The following APBB2 variants were observed in gnomAD, a reference collection of about 807,000 sequenced individuals.
APBB2 encodes amyloid beta precursor protein binding family B member 2, also known as Fe65-like 1.
A neutral mutation model predicts 82.5 loss-of-function variants in APBB2; 38 were observed. The observed-to-expected ratio is 0.46, with a 90% CI of 0.36 to 0.60. The LOEUF is 0.60. APBB2 is among the 20% of genes least tolerant of loss of function. APBB2 has a pLI of 0.00. For synonymous variants in APBB2, 341 were observed against 368.2 expected (o/e 0.93, Z 0.85); for missense variants, 772 against 972.3 (o/e 0.79, Z 2.74).
chr4:40,890,341 G>C, intron 12 of APBB2, 23 bp downstream of exon 12: 1 of 1,607,850 alleles, frequency 6.2e-7, no homozygotes, highest in Non-Finnish European at 8.5e-7. Context: ...AGGTGACCCA[G>C]ACTGCCCCAC....
rs985051286 is a variant in APBB2, at chr4:40,832,907, G to C, written c.1530-2330C>G. On this transcript the variant is annotated intron_variant, in intron 12 of 17. Coordinates refer to ENST00000508593, the MANE Select transcript of APBB2 (RefSeq NM_004307.2). This position sits in a 1 kb window ranked among gnomAD's most constrained non-coding sequence, Gnocchi z 4.8. ...TGGCACACATCCCTCCTTCCTGTTGGGAAAGTCGGTCCTTGCTCAGTACTG... is the reference window on the plus strand; with the variant it reads ...TGGCACACATCCCTCCTTCCTGTTGCGAAAGTCGGTCCTTGCTCAGTACTG... 2.0e-5 allele frequency among the ~76,000 whole-genome samples: 3 copies of C among 152,112 alleles called. No individual in the cohort carries two copies. Among genetic ancestry groups the C allele is most frequent in the African/African-American group, 4.8e-5 (2 of 41,426 alleles).
chr4:41,167,376 T>A (rs897158574), intron 1 of APBB2, among the ~76,000 whole-genome samples: 1 of 152,110 alleles, frequency 6.6e-6, no homozygotes, highest in East Asian at 1.9e-4. Context: ...CATGCTTTGG[T>A]CTTTGTGGTG....
At position 40,832,873 on chromosome 4, in the gene APBB2, G is replaced by A. The variant is rs549579849; in HGVS notation, c.1530-2296C>T. 1.8e-3 allele frequency among the ~76,000 whole-genome samples: 281 copies of A among 152,274 alleles called. 2 individuals are homozygous for A. Among genetic ancestry groups the A allele is most frequent in the Middle Eastern group, 3.4e-3 (1 of 294 alleles). ...ACATGTTTGCGGGCTGAGTACAAGT[G>A]TGGGCCTGTGGCACACATCCCTCCT... On this transcript the variant is annotated intron_variant, in intron 12 of 17. Transcript: ENST00000508593. The surrounding 1 kb of genome is among the most constrained non-coding windows in gnomAD (Gnocchi z 4.8).
intron 5 of APBB2, among the ~76,000 whole-genome samples, chr4:41,017,338 G>A (rs73136497): frequency 0.032 from 4,845 of 152,228 alleles, 259 homozygotes; most frequent in African/African-American, 0.11. Flanking sequence ...GAACTATAGA[G>A]TTCCTCTAGG....
At chr4:40,951,188 T>TTTC (rs1186450849) in intron 6 of APBB2, among the ~76,000 whole-genome samples, 2 of 152,236 alleles carry the variant, frequency 1.3e-5, no homozygotes, top group African/African-American at 2.4e-5. Flanking sequence ...AAATGCTTTA[T>TTTC]TTCTTCACTG....
At chr4:41,139,926 A>G (rs1758625668) in intron 2 of APBB2, among the ~76,000 whole-genome samples, 2 of 152,230 alleles carry the variant, frequency 1.3e-5, no homozygotes, top group Admixed American at 1.3e-4. Context: ...TAATGTATCA[A>G]TATTGGCTCA....
chr4:40,863,394 C>G (rs1449959994), intron 12 of APBB2, among the ~76,000 whole-genome samples: 1 of 152,154 alleles, frequency 6.6e-6, no homozygotes, highest in African/African-American at 2.4e-5. Flanking sequence ...TGTCTGAGGA[C>G]TTGTTCTGAT....
chr4:40,907,375 ATATATTT>A (rs1313763808), intron 10 of APBB2, among the ~76,000 whole-genome samples: 31 of 32,488 alleles, frequency 9.5e-4, no homozygotes, highest in African/African-American at 4.7e-3. Flanking sequence ...ATATATATAT[ATATATTT>A]TTTTTTTTTT....
intron 6 of APBB2, among the ~76,000 whole-genome samples, chr4:41,005,163 C>A (rs1408856923): frequency 6.6e-6 from 1 of 151,462 alleles, no homozygotes; most frequent in Non-Finnish European, 1.5e-5. Context: ...CCAATCTCAG[C>A]TCACTGCAAC....
intron 1 of APBB2, among the ~76,000 whole-genome samples, chr4:41,169,183 CAAA>C (rs60032221): frequency 3.5e-4 from 21 of 60,720 alleles, no homozygotes; most frequent in Middle Eastern, 9.1e-3. Flanking sequence ...CACTCCGTCT[CAAA>C]AAAAAAAAAA....
chr4:41,167,061 T>C (rs1390126064), intron 1 of APBB2, among the ~76,000 whole-genome samples: 2 of 152,132 alleles, frequency 1.3e-5, no homozygotes, highest in East Asian at 1.9e-4. Context: ...GGTTGGCTCA[T>C]AGAACCCAGG....
chr4:41,126,625 G>A (rs1170776526), intron 2 of APBB2, among the ~76,000 whole-genome samples: 3 of 152,148 alleles, frequency 2.0e-5, no homozygotes, highest in Non-Finnish European at 4.4e-5. Flanking sequence ...TACCACGACT[G>A]GGTGGCTTAA....
chr4:40,889,494 C>T (rs1286757923), intron 12 of APBB2, among the ~76,000 whole-genome samples: 1 of 152,218 alleles, frequency 6.6e-6, no homozygotes, highest in Non-Finnish European at 1.5e-5. Context: ...TTTTGCAATG[C>T]TCTTGTCCAT....
At chr4:40,987,520 TAGATTTG>T (rs1800708669) in intron 6 of APBB2, among the ~76,000 whole-genome samples, 1 of 152,228 alleles carries the variant, frequency 6.6e-6, no homozygotes, top group South Asian at 2.1e-4. Context: ...CATTTTTTTT[TAGATTTG>T]ACCTTTCAAT....
At chr4:40,879,543 GAAGAGTCACC>G (rs1384376203) in intron 12 of APBB2, among the ~76,000 whole-genome samples, 3 of 152,176 alleles carry the variant, frequency 2.0e-5, no homozygotes, top group Non-Finnish European at 2.9e-5. Context: ...GGAACTCTAT[GAAGAGTCACC>G]AACTCGTTAG....
chr4:40,982,010 C>T (rs1560443930), intron 6 of APBB2, among the ~76,000 whole-genome samples: 2 of 151,486 alleles, frequency 1.3e-5, no homozygotes, highest in South Asian at 4.2e-4. Context: ...CATGGTGAAA[C>T]CCCATCTCTA....
chr4:40,963,445 G>A (rs1182333386), intron 6 of APBB2, among the ~76,000 whole-genome samples: 4 of 152,022 alleles, frequency 2.6e-5, no homozygotes, highest in South Asian at 2.1e-4. Context: ...ACAGGGTCTC[G>A]CCATGTTGCC....
chr4:40,969,447 C>T (rs1489789866), intron 6 of APBB2, among the ~76,000 whole-genome samples: 1 of 152,154 alleles, frequency 6.6e-6, no homozygotes, highest in Non-Finnish European at 1.5e-5. Context: ...CAGGGAAATC[C>T]ATATGTTTTC....
chr4:40,949,885 C>G (rs779224798), intron 6 of APBB2, among the ~76,000 whole-genome samples: 1 of 152,090 alleles, frequency 6.6e-6, no homozygotes, highest in South Asian at 2.1e-4. Context: ...GTGGGAATAC[C>G]TAAAAAACCT....
Sources: gnomAD v4.1 joint callset for allele counts (sites outside exome capture counted in the v4.1 genomes callset) on GRCh38, gnomAD v4.1.1 for gene constraint, Gnocchi (gnomAD v3.1) non-coding constraint, MANE v1.5 for transcripts, NCBI Gene and HGNC (gene_info 2026-07-23, HGNC 2026-07-21) for gene names.